FAM135B: variants seen among roughly 807,000 people sequenced by gnomAD.
FAM135B encodes the protein protein FAM135B.
FAM135B carries 43 observed loss-of-function variants against 127.7 expected under a neutral mutation model. The ratio of observed to expected loss-of-function variants is 0.34; its 90% CI spans 0.26 to 0.43. The LOEUF is 0.43. Ranked by LOEUF, FAM135B falls within the 20% of genes least tolerant of loss-of-function variation. The pLI is 1.00. For missense variants in FAM135B, 1,558 were observed against 1,725.6 expected (o/e 0.90, Z 1.72); for synonymous variants, 670 against 665.1 (o/e 1.01, Z -0.11).
intron 9 of FAM135B, among the ~76,000 whole-genome samples, chr8:138,179,724 C>T (rs766751191): frequency 1.3e-5 from 2 of 152,126 alleles, no homozygotes; most frequent in African/African-American, 4.8e-5. Flanking sequence ...GACAGGGTCT[C>T]GCTCTGTCAC....
intron 12 of FAM135B, among the ~76,000 whole-genome samples, chr8:138,153,954 G>A (rs1178012335): frequency 3.9e-5 from 6 of 152,164 alleles, no homozygotes; most frequent in South Asian, 2.1e-4. Context: ...CTCCCAGCAC[G>A]GAGTTTGAAA....
At chr8:138,187,322 C>A (rs575835088) in intron 9 of FAM135B, among the ~76,000 whole-genome samples, 10 of 152,320 alleles carry the variant, frequency 6.6e-5, no homozygotes, top group African/African-American at 2.4e-4. Flanking sequence ...AATAATGAAG[C>A]CAGGCTCCCT....
intron 2 of FAM135B, among the ~76,000 whole-genome samples, chr8:138,336,339 A>T (rs1194492908): frequency 6.6e-6 from 1 of 152,226 alleles, no homozygotes; most frequent in African/African-American, 2.4e-5. Flanking sequence ...GAAAAGACCA[A>T]CAAAATTGAT....
rs188201803 is a variant in FAM135B, at chr8:138,265,814, G to C, written c.186C>G (p.Val62=). 437 of 1,613,920 alleles carry C rather than the reference G, an allele frequency of 2.7e-4. 1 individual carries two copies. In the African/African-American group the frequency reaches 5.1e-3, roughly 19 times the overall value. ...TESSSLHSAC[V]HDSTVHSRVF... is the part of the protein sequence containing the mutation. ...CCCGGCTGTGCACGGTGCTGTCATG[G>C]ACACAGGCTGAATGCAGGCTGCTGC... Residue 62 remains valine, a synonymous_variant, in exon 4 of 20, where the codon GTC becomes GTG. Coordinates refer to ENST00000395297, the MANE Select transcript of FAM135B (RefSeq NM_015912.4).
At chr8:138,340,933 G>A (rs1009355583) in intron 2 of FAM135B, among the ~76,000 whole-genome samples, 6 of 152,168 alleles carry the variant, frequency 3.9e-5, no homozygotes, top group Non-Finnish European at 7.3e-5. Flanking sequence ...ACATGAATGT[G>A]CTTTTGTTCA....
chr8:138,393,002 G>A (rs1832666260), intron 1 of FAM135B, among the ~76,000 whole-genome samples: 1 of 152,178 alleles, frequency 6.6e-6, no homozygotes, highest in Non-Finnish European at 1.5e-5. Context: ...CTGCATGGCT[G>A]GGGAAGCCTC....
chr8:138,488,931 C>T (rs180747944), intron 1 of FAM135B, among the ~76,000 whole-genome samples: 1 of 152,198 alleles, frequency 6.6e-6, no homozygotes. Context: ...TCCCAAAGTA[C>T]TGGGATTACA....
chr8:138,262,976 T>C (rs1202029573), intron 4 of FAM135B, among the ~76,000 whole-genome samples: 3 of 147,136 alleles, frequency 2.0e-5, no homozygotes, highest in Non-Finnish European at 4.5e-5. Flanking sequence ...TTCCTTATCA[T>C]CCTAGGCCTG....
At position 138,260,553 on chromosome 8, in the gene FAM135B, T is replaced by G. The variant is rs907361724; in HGVS notation, c.298-3794A>C. On this transcript the variant is annotated intron_variant, in intron 4 of 19. Transcript: ENST00000395297. ...TCTCCCAACTACCCTGGAGTATCAG[T>G]AACTCCAAGCCCATTTCATGGCCAA... Among the ~76,000 whole-genome samples the G allele has an allele frequency of 7.2e-5, 11 of 152,276 alleles. 1 individual carries two copies. The highest frequency in any genetic ancestry group is 1.3e-4 in the Admixed American group (2 of 15,290).
At position 138,383,979 on chromosome 8, in the gene FAM135B, T is replaced by A. The variant is rs574339470; in HGVS notation, c.-19-15977A>T. On this transcript the variant is annotated intron_variant, in intron 1 of 19. Transcript: ENST00000395297. Reference sequence around the variant, plus strand: ...GCCCCTCCTCTGTTAAGCCTTCCCATGCTCCAAGTTCATCCTGTTCTCCCC... The same window carrying A: ...GCCCCTCCTCTGTTAAGCCTTCCCAAGCTCCAAGTTCATCCTGTTCTCCCC... Among the ~76,000 whole-genome samples, 16 of 152,296 alleles carry A rather than the reference T, an allele frequency of 1.1e-4. No individual in the cohort carries two copies. In the South Asian group the frequency reaches 1.7e-3, roughly 16 times the overall value.
At chr8:138,192,634 C>T (rs1222654324) in intron 9 of FAM135B, among the ~76,000 whole-genome samples, 1 of 152,170 alleles carries the variant, frequency 6.6e-6, no homozygotes, top group South Asian at 2.1e-4. Flanking sequence ...CAGGAACAGA[C>T]TCAGCGCAAG....
chr8:138,190,509 C>T (rs1225647055), intron 9 of FAM135B, among the ~76,000 whole-genome samples: 1 of 152,182 alleles, frequency 6.6e-6, no homozygotes, highest in Non-Finnish European at 1.5e-5. Flanking sequence ...AAGTATTTTA[C>T]CCTAAGATAT....
intron 1 of FAM135B, among the ~76,000 whole-genome samples, chr8:138,471,619 T>C (rs1837681313): frequency 6.6e-6 from 1 of 152,026 alleles, no homozygotes; most frequent in Non-Finnish European, 1.5e-5. Flanking sequence ...GAGTTTAAGG[T>C]GCTTTGAAAT....
intron 2 of FAM135B, among the ~76,000 whole-genome samples, chr8:138,356,573 C>T (rs1300927416): frequency 6.6e-6 from 1 of 152,096 alleles, no homozygotes; most frequent in African/African-American, 2.4e-5. Flanking sequence ...ACAGTTTCAC[C>T]CAATGATGGT....
intron 1 of FAM135B, among the ~76,000 whole-genome samples, chr8:138,442,655 C>T (rs759816343): frequency 1.1e-4 from 16 of 151,884 alleles, no homozygotes; most frequent in Non-Finnish European, 1.3e-4. Context: ...TGGAGAGTAG[C>T]CAGGATGTTA....
rs2130567893 is a variant in FAM135B, at chr8:138,139,104, G to A, written c.3791-8C>T. The A allele has an allele frequency of 1.3e-6, 2 of 1,565,610 alleles. No homozygotes were observed. The highest frequency in any genetic ancestry group is 1.7e-6 in the Non-Finnish European group (2 of 1,144,970). On this transcript the variant is annotated splice_region_variant and splice_polypyrimidine_tract_variant and intron_variant, in intron 17 of 19. Coordinates refer to ENST00000395297, the MANE Select transcript of FAM135B (RefSeq NM_015912.4). ...TCTGCATGAGCCATAAGCCTAGGAA[G>A]ACAAAAACAAAATAAAAATCAAAAA...
At chr8:138,232,460 G>T (rs901125513) in intron 7 of FAM135B, among the ~76,000 whole-genome samples, 3 of 152,150 alleles carry the variant, frequency 2.0e-5, no homozygotes, top group Admixed American at 6.6e-5. Flanking sequence ...TGATTTATAT[G>T]ATTCATGAAA....
intron 2 of FAM135B, among the ~76,000 whole-genome samples, chr8:138,331,260 G>T: frequency 6.6e-6 from 1 of 152,168 alleles, no homozygotes; most frequent in South Asian, 2.1e-4. Flanking sequence ...ATATATTTGG[G>T]TGTGTATTTC....
At chr8:138,424,235 A>G (rs12680751) in intron 1 of FAM135B, among the ~76,000 whole-genome samples, 8,989 of 152,266 alleles carry the variant, frequency 0.059, 341 homozygotes, top group East Asian at 0.19. Flanking sequence ...TGGGGAAGTG[A>G]TAAGTGTCCA....
Sources: allele counts gnomAD v4.1 joint callset (sites outside exome capture counted in the v4.1 genomes callset), GRCh38; gene constraint gnomAD v4.1.1; transcripts MANE v1.5; gene names NCBI Gene and HGNC (gene_info 2026-07-23, HGNC 2026-07-21).